Variants in BIVM observed in about 807,000 individuals in gnomAD.
BIVM encodes basic immunoglobulin-like variable motif-containing protein.
BIVM carries 31 observed loss-of-function variants against 61.4 expected under a neutral mutation model. The ratio of observed to expected loss-of-function variants is 0.51; its 90% CI spans 0.38 to 0.68. BIVM has a LOEUF of 0.68. BIVM is among the 30% of genes least tolerant of loss of function. The pLI, the probability that BIVM is intolerant of heterozygous loss-of-function variation, is 0.00. For synonymous variants in BIVM, 189 were observed against 210.7 expected (o/e 0.90, Z 0.89); for missense variants, 526 against 596.0 (o/e 0.88, Z 1.22).
chr13:102,828,428 C>T (rs1880824884), intron 7 of BIVM, among the ~76,000 whole-genome samples: 2 of 152,094 alleles, frequency 1.3e-5, no homozygotes, highest in Non-Finnish European at 2.9e-5. Flanking sequence ...ACAGAGAAGA[C>T]CCGTCTCTGG....
intron 5 of BIVM, among the ~76,000 whole-genome samples, chr13:102,821,389 G>A (rs1011715396): frequency 1.3e-5 from 2 of 152,026 alleles, no homozygotes; most frequent in African/African-American, 4.8e-5. Flanking sequence ...AAGCCAAGGA[G>A]TTTGAGACCA....
chr13:102,821,759 CAAG>C lies in BIVM; in HGVS notation c.725_727del (p.Glu242del), dbSNP rs745783186. The C allele has an allele frequency of 1.2e-6, 2 of 1,613,150 alleles. No individual in the cohort carries two copies. Among genetic ancestry groups the C allele is most frequent in the African/African-American group, 1.3e-5 (1 of 74,870 alleles). On this transcript the variant is annotated inframe_deletion, in exon 6 of 11. Coordinates refer to ENST00000257336, the MANE Select transcript of BIVM (RefSeq NM_017693.4). ...CTTTTGTAGCCTTCCACCTATTACC[CAAG>C]AAGAAGCTTTACATATTCTGGGCTT...
intron 1 of BIVM, among the ~76,000 whole-genome samples, chr13:102,800,032 G>A (rs894211481): frequency 2.2e-4 from 33 of 152,318 alleles, no homozygotes; most frequent in African/African-American, 7.9e-4. Flanking sequence ...CGGACCCGGA[G>A]CCGCCTCCTC....
At position 102,839,904 on chromosome 13, in the gene BIVM, C is replaced by G. The variant is rs1881721118; in HGVS notation, c.*39C>G. 1 of 1,572,260 alleles carries G rather than the reference C, an allele frequency of 6.4e-7. No individual in the cohort carries two copies. Among genetic ancestry groups the G allele is most frequent in the Non-Finnish European group, 8.6e-7 (1 of 1,161,728 alleles). ...TGAACAGCTGGCATTATATATGAAACTGCTATATACAGGACTGTATAAAGA... is the reference window on the plus strand; with the variant it reads ...TGAACAGCTGGCATTATATATGAAAGTGCTATATACAGGACTGTATAAAGA... On this transcript the variant is annotated 3_prime_UTR_variant, in exon 11 of 11. Coordinates refer to ENST00000257336, the MANE Select transcript of BIVM (RefSeq NM_017693.4).
intron 9 of BIVM, among the ~76,000 whole-genome samples, chr13:102,835,810 G>A (rs1323426817): frequency 6.6e-6 from 1 of 152,210 alleles, no homozygotes; most frequent in Non-Finnish European, 1.5e-5. Context: ...TGGGATTACA[G>A]GCGTGAGCCA....
At chr13:102,806,280 C>T (rs1049829042) in intron 2 of BIVM, among the ~76,000 whole-genome samples, 4 of 152,096 alleles carry the variant, frequency 2.6e-5, no homozygotes, top group Non-Finnish European at 5.9e-5. Context: ...GATACAGTCT[C>T]GCTCTGTTGC....
intron 6 of BIVM, 80 bp downstream of exon 6, chr13:102,821,927 A>T (rs1880321592): frequency 6.5e-7 from 1 of 1,548,028 alleles, no homozygotes; most frequent in African/African-American, 1.4e-5. Context: ...TTGATAGTAA[A>T]CCATGTATCC....
In BIVM at chr13:102,840,613, G is replaced by T. The variant is rs2140507007; in HGVS notation, c.*748G>T. The stretch of plus-strand genomic sequence containing the variant: ...GCAGGAGAATGGCGTGAACCCGGGA[G>T]GTGGAGCTTGCAGTGAGCGGAGATC... On this transcript the variant is annotated 3_prime_UTR_variant, in exon 11 of 11. Coordinates refer to ENST00000257336, the MANE Select transcript of BIVM (RefSeq NM_017693.4). 1 of 150,564 alleles carries T rather than the reference G, an allele frequency of 6.6e-6. No individual in the cohort carries two copies. Among genetic ancestry groups the T allele is most frequent in the East Asian group, 2.0e-4 (1 of 5,094 alleles). The allele number at this position is 150,564 out of a possible 1,614,324, so 9.3% of individuals were successfully genotyped here.
chr13:102,806,905 C>A (rs1189374487), intron 2 of BIVM, among the ~76,000 whole-genome samples: 1 of 148,304 alleles, frequency 6.7e-6, no homozygotes, highest in Non-Finnish European at 1.5e-5. Context: ...AGTGAAACTC[C>A]ATCTCAAAAA....
intron 3 of BIVM, among the ~76,000 whole-genome samples, 165 bp from the exon 4 acceptor site, chr13:102,816,263 T>C (rs992838845): frequency 2.6e-5 from 4 of 152,228 alleles, no homozygotes; most frequent in African/African-American, 9.6e-5. Context: ...CAAATATCAC[T>C]TTTAGAACCT....
At chr13:102,818,827 GA>G (rs1880048354) in intron 4 of BIVM, among the ~76,000 whole-genome samples, 1 of 152,180 alleles carries the variant, frequency 6.6e-6, no homozygotes, top group Middle Eastern at 3.2e-3. Context: ...AATCTTAAGA[GA>G]AATTCCCCTT....
chr13:102,806,701 G>A (rs1015359540), intron 2 of BIVM, among the ~76,000 whole-genome samples: 1 of 151,928 alleles, frequency 6.6e-6, no homozygotes, highest in Non-Finnish European at 1.5e-5. Context: ...ACTTGAGGTC[G>A]GGATTTTGAG....
At chr13:102,821,870 A>G (rs1465066591) in intron 6 of BIVM, 23 bp downstream of exon 6, 1 of 1,604,080 alleles carries the variant, frequency 6.2e-7, no homozygotes, top group South Asian at 1.1e-5. Context: ...TCTTAGAGGC[A>G]ATATCGTGTT....
At chr13:102,822,244 A>C in intron 7 of BIVM, 85 bp downstream of exon 7, 6 of 1,318,306 alleles carry the variant, frequency 4.6e-6, no homozygotes, top group Non-Finnish European at 6.3e-6. Flanking sequence ...AGTTCGTCTC[A>C]AAGACTGCCT....
In BIVM at chr13:102,807,318, G is replaced by C. The variant is rs1179016270; in HGVS notation, c.51G>C (p.Glu17Asp). ...GGTCAAATGATTCTGGAAATGGTGA[G>C]CACAAATCTGAGAGAAAGTCACCTG... The part of the protein sequence containing the change: ...TERSNDSGNG[E>D]HKSERKSPEE... Residue 17 changes from glutamate (E) to aspartate (D), a missense_variant, in exon 3 of 11, where the codon GAG becomes GAC. Glu to Asp is a conservative substitution (Grantham distance 45). This residue lies in a region of BIVM where 312 missense variants were observed against 343.8 expected (regional missense o/e 0.91). Transcript: ENST00000257336. This position sits in a 1 kb window ranked among gnomAD's most constrained non-coding sequence, Gnocchi z 4.0. 1 of 1,613,968 alleles carries C rather than the reference G, an allele frequency of 6.2e-7. No homozygotes were observed. Among genetic ancestry groups the C allele is most frequent in the Non-Finnish European group, 8.5e-7 (1 of 1,179,858 alleles).
chr13:102,808,689 T>C (rs1879274343), intron 3 of BIVM, among the ~76,000 whole-genome samples: 2 of 152,152 alleles, frequency 1.3e-5, no homozygotes, highest in Non-Finnish European at 2.9e-5. Context: ...TAAGAAAAGT[T>C]GGGAAGTGTT....
chr13:102,839,673 A>T lies in BIVM; in HGVS notation c.1320A>T (p.Gln440His). 1 of 1,614,206 alleles carries T rather than the reference A, an allele frequency of 6.2e-7. No individual in the cohort carries two copies. The highest frequency in any genetic ancestry group is 8.5e-7 in the Non-Finnish European group (1 of 1,180,042). The change falls in exon 11 of 11, where the codon CAA (glutamine) becomes CAT (histidine). Residue 440 changes from glutamine to histidine, a missense_variant. By Grantham distance (24) the Gln-to-His change is conservative. Coordinates refer to ENST00000257336, the MANE Select transcript of BIVM (RefSeq NM_017693.4). ...TTGGAACCATTAGACAAGAATCACA[A>T]CCTCCAACACATGCCCAGGGAATTG... ...FPFGTIRQES[Q>H]PPTHAQGIAK... is the part of the protein sequence containing the mutation.
At chr13:102,825,173 C>T (rs952515822) in intron 7 of BIVM, among the ~76,000 whole-genome samples, 1 of 152,148 alleles carries the variant, frequency 6.6e-6, no homozygotes, top group Non-Finnish European at 1.5e-5. Flanking sequence ...TCTCGATCTC[C>T]TGACCTTGTG....
chr13:102,816,278 C>A (rs780415831), intron 3 of BIVM, 150 bp from the exon 4 acceptor site: 148 of 660,280 alleles, frequency 2.2e-4, no homozygotes, highest in Non-Finnish European at 3.2e-4. Context: ...GAACCTGTGG[C>A]AGTTATTTAT....
Sources: gnomAD v4.1 joint callset for allele counts (sites outside exome capture counted in the v4.1 genomes callset) on GRCh38, gnomAD v4.1.1 for gene constraint, gnomAD v4.1.1 regional missense constraint, Gnocchi (gnomAD v3.1) non-coding constraint, MANE v1.5 for transcripts, NCBI Gene and HGNC (gene_info 2026-07-23, HGNC 2026-07-21) for gene names.